The following PLXNB2 variants were observed in gnomAD, a reference collection of about 807,000 sequenced individuals.
PLXNB2 encodes plexin-B2.
Under a neutral mutation model 202.6 loss-of-function variants are expected in PLXNB2, and 85 were observed. The ratio of observed to expected loss-of-function variants is 0.42; its 90% CI spans 0.35 to 0.50. PLXNB2 has a LOEUF of 0.50. Ranked by LOEUF, PLXNB2 falls within the 20% of genes least tolerant of loss-of-function variation. The probability of loss-of-function intolerance (pLI) is 0.02; values close to 1 mark genes in which losing one functional copy is unlikely to be tolerated. For synonymous variants in PLXNB2, 1,239 were observed against 1,137.6 expected (o/e 1.09, Z -1.79); for missense variants, 2,063 against 2,586.2 (o/e 0.80, Z 4.39).
rs1465229293 is a variant in PLXNB2 at position 50,278,167 on chromosome 22, G to T, written c.4837C>A (p.Arg1613=). 2 of 1,594,596 alleles carry T rather than the reference G, an allele frequency of 1.3e-6. No individual in the cohort carries two copies. Residue 1613 remains arginine (R), a synonymous_variant, in exon 31 of 37, where the codon CGG becomes AGG. Transcript: ENST00000359337. ...TAGATCTCGGTGATGGCCTTCGTCC[G>T]CTCCTTCTCTTTCACGCTGCCTCTC... ...SKRGSVKEKE[R]TKAITEIYLT...
In PLXNB2 at chr22:50,285,898, C is replaced by T. The variant is rs751596451; in HGVS notation, c.1990G>A (p.Asp664Asn). The part of the protein sequence containing the change: ...EDGIVRAHME[D>N]SCPQFLGPSP... ...GGTCCCAGGAACTGGGGACAGCTGTCCTCCTGGGAGAGTAAGGCTGGTCAG... is the reference window on the plus strand; with the variant it reads ...GGTCCCAGGAACTGGGGACAGCTGTTCTCCTGGGAGAGTAAGGCTGGTCAG... The change falls in exon 11 of 37, where the codon GAC becomes AAC. Residue 664 changes from aspartate to asparagine, a missense_variant. Transcript: ENST00000359337. 15 of 1,612,178 alleles carry T rather than the reference C, an allele frequency of 9.3e-6. No homozygotes were observed. The highest frequency in any genetic ancestry group is 3.3e-5 in the South Asian group (3 of 91,074).
In PLXNB2 at chr22:50,281,961, C is replaced by A. The variant is rs1244302654; in HGVS notation, c.3238G>T (p.Ala1080Ser). The A allele has an allele frequency of 1.2e-6, 2 of 1,613,018 alleles. No homozygotes were observed. The highest frequency in any genetic ancestry group is 1.3e-5 in the African/African-American group (1 of 74,942). Residue 1080 changes from alanine (A) to serine (S), a missense_variant, in exon 20 of 37, where the codon GCC becomes TCC. Physicochemically the swap from Ala to Ser is moderately conservative, Grantham distance 99. Coordinates refer to ENST00000359337, the MANE Select transcript of PLXNB2 (RefSeq NM_012401.4). ...GCCCCGGCCTCTGTTCTGAGCAGGG[C>A]ACGGTGCCCGTCCATCTCGATCAGC... is the stretch of plus-strand genomic sequence containing the variant. ...TVLIEMDGHR[A>S]LLRTEAGAFE...
In PLXNB2 at chr22:50,277,999, C is replaced by G; in HGVS notation, c.4902G>C (p.Gln1634His). The G allele has an allele frequency of 6.2e-7, 1 of 1,612,646 alleles. No homozygotes were observed. The highest frequency in any genetic ancestry group is 8.5e-7 in the Non-Finnish European group (1 of 1,179,696). The change falls in exon 32 of 37, where the codon CAG becomes CAC. Residue 1634 changes from glutamine (Q) to histidine (H), a missense_variant. By Grantham distance (24) the Gln-to-His change is conservative. Around this residue, in one of 2 missense-constraint regions of PLXNB2, gnomAD observed 760 missense variants for 1,109.4 expected, o/e 0.69. Coordinates refer to ENST00000359337, the MANE Select transcript of PLXNB2 (RefSeq NM_012401.4). ...RLLSVKGTLQ[Q>H]FVDNFFQSVL... ...CGCTCTGGAAGAAGTTGTCCACAAA[C>G]TGCTGCAGTGTGCCCTGTGGGGGGG...
Position 50,290,498 on chromosome 22 carries a change from G to A in PLXNB2, c.87C>T (p.Arg29=). ...CCAGGTGGTTCAGCTCTTTCTCGCTGCGGAAGAAGTCCAGCTTGCGGGGCC... is the reference window on the plus strand; with the variant it reads ...CCAGGTGGTTCAGCTCTTTCTCGCTACGGAAGAAGTCCAGCTTGCGGGGCC... ...SLRPRKLDFF[R]SEKELNHLAV... Residue 29 remains arginine, a synonymous_variant, in exon 3 of 37, where the codon CGC becomes CGT. Transcript: ENST00000359337. 1 of 1,612,802 alleles carries A rather than the reference G, an allele frequency of 6.2e-7. No individual in the cohort carries two copies. The highest frequency in any genetic ancestry group is 8.5e-7 in the Non-Finnish European group (1 of 1,179,992).
chr22:50,278,113 C>A lies in PLXNB2; in HGVS notation c.4887+4G>T. 3 of 1,602,770 alleles carry A rather than the reference C, an allele frequency of 1.9e-6. No homozygotes were observed. Among genetic ancestry groups the A allele is most frequent in the Non-Finnish European group, 2.5e-6 (3 of 1,179,346 alleles). ...GTGCCGCCCACACACCCATGGGGGC[C>A]CACCTTGACTGAGAGCAGCCGCGTC... is the stretch of plus-strand genomic sequence containing the variant. On this transcript the variant is annotated splice_donor_region_variant and intron_variant, in intron 31 of 36. Coordinates refer to ENST00000359337, the MANE Select transcript of PLXNB2 (RefSeq NM_012401.4).
Position 50,284,620 on chromosome 22 carries a change from G to C in PLXNB2, c.2134C>G (p.Pro712Ala). The change falls in exon 12 of 37, where the codon CCG becomes GCG. Residue 712 changes from proline to alanine, a missense_variant. Pro to Ala is a conservative substitution (Grantham distance 27). Transcript: ENST00000359337. The surrounding 1 kb of genome is among the most constrained non-coding windows in gnomAD (Gnocchi z 8.0). ...VGSDLLKFME[P>A]VTMQESGTFA... ...GTCCCAGATTCCTGCATGGTCACCGGCTCCATGAACTTGAGCAAGTCACTG... is the reference window on the plus strand; with the variant it reads ...GTCCCAGATTCCTGCATGGTCACCGCCTCCATGAACTTGAGCAAGTCACTG... 6.2e-7 allele frequency: 1 copy of C among 1,612,354 alleles called. No homozygotes were observed. The highest frequency in any genetic ancestry group is 8.5e-7 in the Non-Finnish European group (1 of 1,179,492).
At chr22:50,275,862 C>T (rs1486077590) in intron 36 of PLXNB2, 27 bp downstream of exon 36, 66 of 1,607,268 alleles carry the variant, frequency 4.1e-5, no homozygotes, top group Non-Finnish European at 5.5e-5. Flanking sequence ...ACCCCACCTG[C>T]CCCCGCCCCC....
At position 50,281,931 on chromosome 22, in the gene PLXNB2, C is replaced by T. The variant is rs759629858; in HGVS notation, c.3268G>A (p.Glu1090Lys). 6 of 1,613,138 alleles carry T rather than the reference C, an allele frequency of 3.7e-6. No individual in the cohort carries two copies. The highest frequency in any genetic ancestry group is 5.1e-6 in the Non-Finnish European group (6 of 1,180,010). Residue 1090 changes from glutamate (E) to lysine (K), a missense_variant, in exon 20 of 37, where the codon GAG (glutamate) becomes AAG (lysine). Around this residue, in one of 2 missense-constraint regions of PLXNB2, gnomAD observed 760 missense variants for 1,109.4 expected, o/e 0.69. Coordinates refer to ENST00000359337, the MANE Select transcript of PLXNB2 (RefSeq NM_012401.4). ...TCAAAGGTGGGGTCAGGCACGTACT[C>T]GAAGGCCCCGGCCTCTGTTCTGAGC... is the stretch of plus-strand genomic sequence containing the variant. ...ALLRTEAGAF[E>K]YVPDPTFENF...
In PLXNB2 at chr22:50,279,680, T is replaced by C. The variant is rs771557333; in HGVS notation, c.4339A>G (p.Thr1447Ala). ...CCCAGCAGCCCCGTGTCGTTGAGAG[T>C]GTACTTGGCCTTCTTCTGTACCGCA... is the stretch of plus-strand genomic sequence containing the variant. ...VDAVQKKAKY[T>A]LNDTGLLGDD... Residue 1447 changes from threonine to alanine, a missense_variant, in exon 27 of 37, where the codon ACT (threonine) becomes GCT (alanine). Transcript: ENST00000359337. The C allele has an allele frequency of 1.2e-6, 2 of 1,613,820 alleles. No individual in the cohort carries two copies. The highest frequency in any genetic ancestry group is 2.2e-5 in the East Asian group (1 of 44,874).
chr22:50,285,029 C>A, intron 11 of PLXNB2: 1 of 419,540 alleles, frequency 2.4e-6, no homozygotes. Context: ...CTCTTCAGGC[C>A]CATCCAAAGG....
At position 50,278,144 on chromosome 22, in the gene PLXNB2, G is replaced by C; in HGVS notation, c.4860C>G (p.Ile1620Met). The change falls in exon 31 of 37, where the codon ATC becomes ATG. Residue 1620 changes from isoleucine to methionine, a missense_variant. Physicochemically the swap from Ile to Met is conservative, Grantham distance 10 (BLOSUM62 1). Transcript: ENST00000359337. ...EKERTKAITE[I>M]YLTRLLSVKG... ...TGACTGAGAGCAGCCGCGTCAGGTA[G>C]ATCTCGGTGATGGCCTTCGTCCGCT... The C allele has an allele frequency of 6.2e-7, 1 of 1,603,070 alleles. No homozygotes were observed. The highest frequency in any genetic ancestry group is 8.5e-7 in the Non-Finnish European group (1 of 1,179,844).
In PLXNB2 at chr22:50,281,585, T is replaced by C. The variant is rs1381737303; in HGVS notation, c.3503A>G (p.His1168Arg). 1.2e-6 allele frequency: 2 copies of C among 1,611,150 alleles called. No individual in the cohort carries two copies. Among genetic ancestry groups the C allele is most frequent in the South Asian group, 1.1e-5 (1 of 90,940 alleles). The change falls in exon 21 of 37, where the codon CAC (histidine) becomes CGC (arginine). Residue 1168 changes from histidine to arginine, a missense_variant. Around this residue, in one of 2 missense-constraint regions of PLXNB2, gnomAD observed 760 missense variants for 1,109.4 expected, o/e 0.69. Transcript: ENST00000359337. ...PKRRQKRDTT[H>R]NLPEFIVKFG... ...ACGCACAATGAACTCGGGCAGGTTG[T>C]GTGTGGTGTCTCGTTTCTGCCGCCG... is the stretch of plus-strand genomic sequence containing the variant.
Position 50,289,014 on chromosome 22 carries a change from G to T in PLXNB2, c.1197C>A (p.Ala399=). The T allele has an allele frequency of 6.2e-7, 1 of 1,610,422 alleles. No individual in the cohort carries two copies. The highest frequency in any genetic ancestry group is 1.1e-5 in the South Asian group (1 of 91,020). Residue 399 remains alanine, a synonymous_variant, in exon 4 of 37, where the codon GCC becomes GCA. Coordinates refer to ENST00000359337, the MANE Select transcript of PLXNB2 (RefSeq NM_012401.4). This position sits in a 1 kb window ranked among gnomAD's most constrained non-coding sequence, Gnocchi z 8.0. The stretch of plus-strand genomic sequence containing the variant: ...GAAAAGCAACAGTGTGGTTGTTCTC[G>T]GCGGCGACCGTCACGGCCGTGAGGT... ...GLNLTAVTVA[A]ENNHTVAFLG...
rs572728503 is a variant in PLXNB2, at chr22:50,275,210, C to A, written c.*494G>T. The A allele has an allele frequency of 5.9e-6, 2 of 339,582 alleles. No individual in the cohort carries two copies. The highest frequency in any genetic ancestry group is 8.5e-5 in the East Asian group (1 of 11,766). 21.0% of individuals were successfully genotyped at this position (339,582 alleles called of 1,614,324 possible). A position where few individuals can be genotyped will look rare whatever the true frequency, so the allele number is the denominator to read the frequency against. On this transcript the variant is annotated 3_prime_UTR_variant, in exon 37 of 37. Transcript: ENST00000359337. ...GTGAGTCCACCCAGAGTGCCGGCAC[C>A]CTTGGGGAGGCCGGTGAGGTCAGGA...
intron 1 of PLXNB2, among the ~76,000 whole-genome samples, chr22:50,305,206 T>G (rs1601787652): frequency 6.6e-6 from 1 of 152,082 alleles, no homozygotes; most frequent in Admixed American, 6.5e-5. Flanking sequence ...CAGGACACGG[T>G]GAGCACGGAC....
At chr22:50,292,146 G>A (rs1296836290) in intron 2 of PLXNB2, among the ~76,000 whole-genome samples, 1 of 152,070 alleles carries the variant, frequency 6.6e-6, no homozygotes, top group Non-Finnish European at 1.5e-5. Flanking sequence ...GACCAGCCTG[G>A]CCAACATGGT....
chr22:50,283,968 A>G lies in PLXNB2; in HGVS notation c.2286T>C (p.Phe762=). ...KLHVTLYNCS[F]GRSDCSLCRA... is the part of the protein sequence containing the mutation. ...GGCACAGGCTGCAGTCGCTGCGGCC[A>G]AAGGAGCAGTTGTAGAGGGTCACTG... is the stretch of plus-strand genomic sequence containing the variant. The change falls in exon 14 of 37, where the codon TTT becomes TTC. Residue 762 remains phenylalanine, a synonymous_variant. Transcript: ENST00000359337. The G allele has an allele frequency of 2.6e-6, 4 of 1,549,474 alleles. No individual in the cohort carries two copies. The highest frequency in any genetic ancestry group is 3.5e-6 in the Non-Finnish European group (4 of 1,150,362).
At position 50,286,303 on chromosome 22, in the gene PLXNB2, G is replaced by T. The variant is rs372162162; in HGVS notation, c.1763-16C>A. 198 of 1,591,724 alleles carry T rather than the reference G, an allele frequency of 1.2e-4. 4 individuals carry two copies. The South Asian group carries it at 2.0e-3, about 16-fold the overall frequency. On this transcript the variant is annotated splice_polypyrimidine_tract_variant and intron_variant, in intron 8 of 36. Transcript: ENST00000359337. ...GCCACGTGGTCTGCAGACAGCAGAG[G>T]GGGAGGTGTCAAGGTGGCGGCCGCA...
intron 35 of PLXNB2, 30 bp downstream of exon 35, chr22:50,276,599 C>T (rs900138988): frequency 1.3e-6 from 2 of 1,569,956 alleles, no homozygotes; most frequent in East Asian, 2.2e-5. Context: ...GCGGGGAGGG[C>T]TGTGGGTGCG....
Sources: allele counts gnomAD v4.1 joint callset (sites outside exome capture counted in the v4.1 genomes callset), GRCh38; gene constraint gnomAD v4.1.1; regional missense constraint gnomAD v4.1.1; non-coding constraint Gnocchi (gnomAD v3.1); transcripts MANE v1.5; gene names NCBI Gene and HGNC (gene_info 2026-07-23, HGNC 2026-07-21).